Variants in LRP1B observed in about 807,000 individuals in gnomAD.
The protein encoded by LRP1B is low-density lipoprotein receptor-related protein 1B.
A neutral mutation model predicts 556.6 loss-of-function variants in LRP1B; 217 were observed. The observed-to-expected ratio is 0.39, with a 90% CI of 0.35 to 0.44. The LOEUF (loss-of-function observed/expected upper bound fraction) is 0.44, where lower values mean the gene tolerates loss of function less well. LRP1B is among the 20% of genes least tolerant of loss of function. The probability of loss-of-function intolerance (pLI) is 1.00; values close to 1 mark genes in which losing one functional copy is unlikely to be tolerated. For synonymous variants in LRP1B, 2,047 were observed against 1,865.8 expected (o/e 1.10, Z -2.50); for missense variants, 5,053 against 5,620.8 (o/e 0.90, Z 3.23).
At chr2:140,838,121 C>T (rs1255711922) in intron 31 of LRP1B, among the ~76,000 whole-genome samples, 3 of 151,810 alleles carry the variant, frequency 2.0e-5, no homozygotes, top group Admixed American at 2.0e-4. Context: ...ATAAGGTTTT[C>T]ACCATTATGG....
At chr2:140,637,468 G>T (rs989006466) in intron 41 of LRP1B, among the ~76,000 whole-genome samples, 4 of 152,164 alleles carry the variant, frequency 2.6e-5, no homozygotes, top group African/African-American at 9.7e-5. Flanking sequence ...ACTATCTAAT[G>T]TGTATTTTCA....
At chr2:141,234,645 G>A (rs1444236644) in intron 5 of LRP1B, among the ~76,000 whole-genome samples, 1 of 152,020 alleles carries the variant, frequency 6.6e-6, no homozygotes, top group Non-Finnish European at 1.5e-5. Flanking sequence ...CTCAAGTGCT[G>A]GGATTACAGG....
chr2:141,348,759 G>A (rs1321162677), intron 3 of LRP1B, among the ~76,000 whole-genome samples: 5 of 151,952 alleles, frequency 3.3e-5, no homozygotes, highest in Non-Finnish European at 7.4e-5. Context: ...ATATGGTTTG[G>A]TTGTGTCCCC....
At chr2:141,313,716 G>A (rs546031463) in intron 3 of LRP1B, among the ~76,000 whole-genome samples, 2 of 152,294 alleles carry the variant, frequency 1.3e-5, no homozygotes, top group East Asian at 1.9e-4. Flanking sequence ...CTGCAAGTGG[G>A]TGATTATTTT....
chr2:140,233,366 C>A (rs1158303580), intron 90 of LRP1B, 40 bp from the exon 91 acceptor site: 3 of 1,428,832 alleles, frequency 2.1e-6, no homozygotes, highest in South Asian at 1.4e-5. Context: ...TATTACTGGT[C>A]TTGGCCACAT....
chr2:142,101,430 G>A (rs1436442154), intron 1 of LRP1B, among the ~76,000 whole-genome samples: 5 of 151,898 alleles, frequency 3.3e-5, no homozygotes, highest in East Asian at 1.9e-4. Context: ...CATATGTTAC[G>A]TATATTTTGA....
At chr2:140,990,847 C>T (rs1156414007) in intron 16 of LRP1B, among the ~76,000 whole-genome samples, 1 of 152,054 alleles carries the variant, frequency 6.6e-6, no homozygotes, top group East Asian at 1.9e-4. Context: ...CCAGTAGTTA[C>T]ACTTCGTATG....
intron 1 of LRP1B, among the ~76,000 whole-genome samples, chr2:142,022,316 AATAG>A (rs1274073554): frequency 6.6e-6 from 1 of 151,990 alleles, no homozygotes; most frequent in East Asian, 1.9e-4. Context: ...TTTAATTAAG[AATAG>A]ATAGTATAAT....
intron 84 of LRP1B, among the ~76,000 whole-genome samples, chr2:140,294,314 A>G (rs1683515500): frequency 6.6e-6 from 1 of 151,370 alleles, no homozygotes; most frequent in Non-Finnish European, 1.5e-5. Flanking sequence ...CATTTAAAGT[A>G]AATTGATCTT....
intron 2 of LRP1B, among the ~76,000 whole-genome samples, chr2:141,592,883 C>T (rs1384921896): frequency 6.6e-6 from 1 of 152,150 alleles, no homozygotes; most frequent in African/African-American, 2.4e-5. Flanking sequence ...AGCAACTTGT[C>T]TGATGGGCAA....
chr2:140,527,932 G>A (rs920604588), intron 47 of LRP1B, among the ~76,000 whole-genome samples: 8 of 151,770 alleles, frequency 5.3e-5, no homozygotes, highest in Admixed American at 6.6e-5. Flanking sequence ...AACATTTTAG[G>A]TAGTTATGAT....
intron 32 of LRP1B, among the ~76,000 whole-genome samples, chr2:140,805,140 ATACAC>A (rs1690666579): frequency 6.6e-6 from 1 of 152,170 alleles, no homozygotes; most frequent in South Asian, 2.1e-4. Flanking sequence ...GAGTCTGCAA[ATACAC>A]ACAGGACCCA....
intron 7 of LRP1B, among the ~76,000 whole-genome samples, chr2:141,140,714 T>C (rs142357003): frequency 6.6e-6 from 1 of 152,168 alleles, no homozygotes; most frequent in African/African-American, 2.4e-5. Context: ...TTCAGAACTG[T>C]GAGAAAATTA....
intron 2 of LRP1B, among the ~76,000 whole-genome samples, chr2:141,690,400 T>TAAATAAATAAATAA (rs367731341): frequency 4.5e-4 from 5 of 11,144 alleles, no homozygotes; most frequent in African/African-American, 1.3e-3. Context: ...TCTATAAATA[T>TAAATAAATAAATAA]ATATATATAT....
At chr2:140,289,723 A>T (rs1383028261) in intron 84 of LRP1B, among the ~76,000 whole-genome samples, 1 of 151,944 alleles carries the variant, frequency 6.6e-6, no homozygotes, top group African/African-American at 2.4e-5. Context: ...TTTTTGAAAT[A>T]ATCTACGGTA....
intron 3 of LRP1B, among the ~76,000 whole-genome samples, chr2:141,459,135 G>T (rs192838043): frequency 2.0e-5 from 3 of 152,096 alleles, no homozygotes; most frequent in African/African-American, 4.8e-5. Flanking sequence ...AGCTGAAAAA[G>T]CTCCCAGCGA....
chr2:141,967,924 T>G (rs917118642), intron 1 of LRP1B, among the ~76,000 whole-genome samples: 4 of 151,868 alleles, frequency 2.6e-5, no homozygotes, highest in Non-Finnish European at 2.9e-5. Flanking sequence ...ATTTTTATCA[T>G]AGTATATGTT....
intron 41 of LRP1B, among the ~76,000 whole-genome samples, chr2:140,638,910 T>C (rs1201578713): frequency 1.3e-5 from 2 of 151,922 alleles, no homozygotes; most frequent in East Asian, 1.9e-4. Context: ...AATTTATATA[T>C]AGTTCGTATT....
intron 2 of LRP1B, among the ~76,000 whole-genome samples, chr2:141,753,120 T>C (rs1345247899): frequency 6.8e-6 from 1 of 147,398 alleles, no homozygotes; most frequent in Non-Finnish European, 1.5e-5. Context: ...TGGTGGCATA[T>C]GCCTGTAATC....
Sources: gnomAD v4.1 joint callset for allele counts (sites outside exome capture counted in the v4.1 genomes callset) on GRCh38, gnomAD v4.1.1 for gene constraint, MANE v1.5 for transcripts, NCBI Gene and HGNC (gene_info 2026-07-23, HGNC 2026-07-21) for gene names.